The following SUMF1 variants were observed in gnomAD, a reference collection of about 807,000 sequenced individuals.
SUMF1 encodes the protein formylglycine-generating enzyme.
Under a neutral mutation model 47.6 loss-of-function variants are expected in SUMF1, and 48 were observed. That is an observed-to-expected ratio of 1.01 (90% CI 0.80 to 1.28). The LOEUF is 1.28. Ranked by LOEUF, SUMF1 falls within the 50% of genes most tolerant of loss-of-function variation. The pLI, the probability that SUMF1 is intolerant of heterozygous loss-of-function variation, is 0.00. For synonymous variants in SUMF1, 230 were observed against 192.1 expected, an observed-to-expected ratio of 1.20 and a Z score of -1.63; for missense variants, 571 against 485.4, an observed-to-expected ratio of 1.18 and a Z score of -1.66.
chr3:4,230,004 C>A (rs902981052), intron 8 of SUMF1, among the ~76,000 whole-genome samples: 1 of 151,690 alleles, frequency 6.6e-6, no homozygotes, highest in Non-Finnish European at 1.5e-5. Context: ...CAGAGTGAGA[C>A]CTTGTCACCA....
intron 8 of SUMF1, among the ~76,000 whole-genome samples, chr3:4,169,007 G>A (rs1014079628): frequency 6.6e-6 from 1 of 152,142 alleles, no homozygotes. Flanking sequence ...AACATCTGCT[G>A]TACAAGTAAT....
chr3:4,110,984 A>G (rs1426431530), intron 8 of SUMF1, among the ~76,000 whole-genome samples: 1 of 151,612 alleles, frequency 6.6e-6, no homozygotes, highest in Non-Finnish European at 1.5e-5. Flanking sequence ...CCTATAACTT[A>G]AAGTATAATA....
intron 8 of SUMF1, among the ~76,000 whole-genome samples, chr3:4,245,352 G>C (rs1184248273): frequency 6.6e-6 from 1 of 152,092 alleles, no homozygotes; most frequent in South Asian, 2.1e-4. Flanking sequence ...TTCTGCTCTG[G>C]TCTCTCCCCA....
chr3:4,208,688 G>A lies in SUMF1; in HGVS notation c.1015-139943C>T, dbSNP rs114187012. On this transcript the variant is annotated intron_variant and NMD_transcript_variant, in intron 8 of 12. Coordinates refer to the SUMF1 transcript ENST00000448413. ...AAACACTGTAGTAGAAATGAAGAAC[G>A]TCTTTAATGGGCTCATTAGTAGACT... 7.9e-3 allele frequency among the ~76,000 whole-genome samples: 1,203 copies of A among 152,010 alleles called. 7 individuals carry two copies. The highest frequency in any genetic ancestry group is 0.012 in the Non-Finnish European group (832 of 67,962).
At chr3:4,152,463 T>C (rs1216591968) in intron 8 of SUMF1, among the ~76,000 whole-genome samples, 2 of 150,518 alleles carry the variant, frequency 1.3e-5, no homozygotes, top group Non-Finnish European at 2.9e-5. Context: ...TTGCTTTTTT[T>C]TTTTCTTTTT....
At chr3:4,370,586 A>C (rs1021405953) in intron 8 of SUMF1, among the ~76,000 whole-genome samples, 2 of 152,172 alleles carry the variant, frequency 1.3e-5, no homozygotes, top group African/African-American at 4.8e-5. Context: ...TGCCCAAAGC[A>C]CTGGGTTGAG....
chr3:4,255,064 T>A (rs1696913231), intron 8 of SUMF1, among the ~76,000 whole-genome samples: 1 of 150,406 alleles, frequency 6.6e-6, no homozygotes, highest in African/African-American at 2.4e-5. Context: ...AAGCAAATGC[T>A]GAGAGATTTT....
intron 7 of SUMF1, among the ~76,000 whole-genome samples, chr3:4,377,875 G>C (rs1575151846): frequency 6.6e-6 from 1 of 152,132 alleles, no homozygotes; most frequent in East Asian, 1.9e-4. Flanking sequence ...AAACGCAAGA[G>C]GCCGGGACAA....
At chr3:4,343,876 T>A (rs116605744) in intron 8 of SUMF1, among the ~76,000 whole-genome samples, 51 of 152,154 alleles carry the variant, frequency 3.4e-4, no homozygotes, top group African/African-American at 1.2e-3. Context: ...TTGGAAAAAA[T>A]TTTAACAATG....
intron 3 of SUMF1, among the ~76,000 whole-genome samples, chr3:4,428,123 A>C (rs1475631146): frequency 6.6e-6 from 1 of 152,222 alleles, no homozygotes; most frequent in Non-Finnish European, 1.5e-5. Flanking sequence ...ATAGTCATTA[A>C]AAATTATATG....
At chr3:4,107,829 C>G (rs1165325304) in intron 8 of SUMF1, among the ~76,000 whole-genome samples, 1 of 151,996 alleles carries the variant, frequency 6.6e-6, no homozygotes, top group Non-Finnish European at 1.5e-5. Flanking sequence ...ATATAAAGAG[C>G]TATACTTTTT....
At chr3:4,212,956 AG>A in intron 8 of SUMF1, among the ~76,000 whole-genome samples, 1 of 152,242 alleles carries the variant, frequency 6.6e-6, no homozygotes, top group South Asian at 2.1e-4. Flanking sequence ...TGAAAGTGAC[AG>A]GGAGAATGGA....
intron 8 of SUMF1, among the ~76,000 whole-genome samples, chr3:4,346,080 G>A (rs1480763051): frequency 1.3e-5 from 2 of 152,098 alleles, no homozygotes; most frequent in Non-Finnish European, 2.9e-5. Context: ...ATAATAGTGG[G>A]AGACTTCAAC....
intron 8 of SUMF1, among the ~76,000 whole-genome samples, chr3:4,295,022 T>C (rs564815399): frequency 7.2e-5 from 11 of 152,202 alleles, no homozygotes; most frequent in Admixed American, 7.2e-4. Flanking sequence ...GTGGAATTCT[T>C]TTTACGACAA....
At chr3:4,205,547 T>C (rs926629741) in intron 8 of SUMF1, among the ~76,000 whole-genome samples, 1 of 152,198 alleles carries the variant, frequency 6.6e-6, no homozygotes, top group Non-Finnish European at 1.5e-5. Flanking sequence ...GGCTTGTTTG[T>C]ACCCATCCTT....
At chr3:4,239,087 A>T (rs1696478368) in intron 8 of SUMF1, among the ~76,000 whole-genome samples, 1 of 151,962 alleles carries the variant, frequency 6.6e-6, no homozygotes, top group African/African-American at 2.4e-5. Flanking sequence ...ATGGTTGTAG[A>T]TGTGTCGCAT....
chr3:4,212,043 G>A (rs944701811), intron 8 of SUMF1, among the ~76,000 whole-genome samples: 1 of 152,198 alleles, frequency 6.6e-6, no homozygotes. Flanking sequence ...GCTCTGAAGA[G>A]AGGAGCAGAC....
intron 8 of SUMF1, among the ~76,000 whole-genome samples, chr3:4,284,282 C>T (rs1697585729): frequency 3.3e-5 from 5 of 151,722 alleles, no homozygotes; most frequent in East Asian, 1.9e-4. Context: ...CATGGTGGCA[C>T]GTGCCAGTAG....
At chr3:4,427,937 C>G (rs2125064215) in intron 3 of SUMF1, among the ~76,000 whole-genome samples, 1 of 152,038 alleles carries the variant, frequency 6.6e-6, no homozygotes, top group East Asian at 1.9e-4. Flanking sequence ...GCAGGGGGAA[C>G]TGATTTGGGG....
Sources: allele counts gnomAD v4.1 joint callset (sites outside exome capture counted in the v4.1 genomes callset), GRCh38; gene constraint gnomAD v4.1.1; transcripts MANE v1.5; gene names NCBI Gene and HGNC (gene_info 2026-07-23, HGNC 2026-07-21).